The following GIPC2 variants were observed in gnomAD, a reference collection of about 807,000 sequenced individuals.
The protein encoded by GIPC2 is GIPC PDZ domain containing family member 2.
In GIPC2, 30 loss-of-function variants were observed where a neutral mutation model predicts 30.6. That is an observed-to-expected ratio of 0.98 (90% CI 0.73 to 1.33). The LOEUF is 1.33. GIPC2 is among the 40% of genes most tolerant of loss of function. GIPC2 has a pLI of 0.00. For missense variants in GIPC2, 414 were observed against 390.3 expected (o/e 1.06, Z -0.51); for synonymous variants, 167 against 150.0 (o/e 1.11, Z -0.83).
intron 2 of GIPC2, among the ~76,000 whole-genome samples, chr1:78,085,299 T>G (rs1661906510): frequency 6.6e-6 from 1 of 152,184 alleles, no homozygotes; most frequent in African/African-American, 2.4e-5. Flanking sequence ...CATGCTGGAT[T>G]AGGTTTTTGA....
rs771890578 is a variant in GIPC2 at position 78,046,144 on chromosome 1, CCGGGCTGGTGGAGGGCGAGCCGA to C, written c.56_78del (p.Leu19ArgfsTer26). On this transcript the variant is annotated frameshift_variant, in exon 1 of 6. Transcript: ENST00000370759. LOFTEE classifies it high-confidence loss of function. ...AAGAAGGCCAAGTCCAAGGAGACCGCCGGGCTGGTGGAGGGCGAGCCGACGGGCGCGGGCGGCGGGAGCCTCTC... is the reference window on the plus strand; with the variant it reads ...AAGAAGGCCAAGTCCAAGGAGACCGCCGGGCGCGGGCGGCGGGAGCCTCTC... 1.2e-5 allele frequency: 19 copies of C among 1,536,620 alleles called. No individual in the cohort carries two copies. Among genetic ancestry groups the C allele is most frequent in the Middle Eastern group, 1.9e-4 (1 of 5,256 alleles).
intron 1 of GIPC2, among the ~76,000 whole-genome samples, chr1:78,048,305 A>G (rs1465664864): frequency 1.3e-5 from 2 of 152,236 alleles, no homozygotes; most frequent in Non-Finnish European, 2.9e-5. Flanking sequence ...TATTATTAAT[A>G]TCCCCACTTC....
At chr1:78,103,631 C>T (rs575896779) in intron 3 of GIPC2, among the ~76,000 whole-genome samples, 15 of 152,098 alleles carry the variant, frequency 9.9e-5, no homozygotes, top group Non-Finnish European at 1.9e-4. Context: ...TGTTTGCTCT[C>T]GAGGCTTGTG....
chr1:78,108,914 C>T (rs80015359), intron 3 of GIPC2, among the ~76,000 whole-genome samples: 2,933 of 152,252 alleles, frequency 0.019, 51 homozygotes, highest in South Asian at 0.079. Context: ...ACTAAACTGG[C>T]TTAAGCAGAA....
At chr1:78,114,141 G>A (rs528184422) in intron 3 of GIPC2, among the ~76,000 whole-genome samples, 7 of 152,292 alleles carry the variant, frequency 4.6e-5, no homozygotes, top group South Asian at 2.1e-4. Context: ...TATGACAGGC[G>A]GACGGCCAGT....
intron 1 of GIPC2, among the ~76,000 whole-genome samples, chr1:78,078,208 A>G (rs955557795): frequency 8.6e-5 from 13 of 151,264 alleles, no homozygotes; most frequent in African/African-American, 3.2e-4. Context: ...AAAAAAAAAA[A>G]AACCTAGTGT....
At chr1:78,046,429 C>T (rs894754828) in intron 1 of GIPC2, 95 bp downstream of exon 1, 49 of 1,195,090 alleles carry the variant, frequency 4.1e-5, no homozygotes, top group South Asian at 5.4e-5. Flanking sequence ...AGCGGCGTTT[C>T]CCGGAGCGCG....
At chr1:78,101,623 T>C (rs977758290) in intron 3 of GIPC2, among the ~76,000 whole-genome samples, 1 of 152,214 alleles carries the variant, frequency 6.6e-6, no homozygotes, top group African/African-American at 2.4e-5. Context: ...TGGGAAATCT[T>C]TCCCATACTT....
chr1:78,103,976 G>C (rs1010011911), intron 3 of GIPC2, among the ~76,000 whole-genome samples: 1 of 152,178 alleles, frequency 6.6e-6, no homozygotes, highest in Non-Finnish European at 1.5e-5. Flanking sequence ...CAGGTGAAAG[G>C]CCCTTGTACA....
At chr1:78,135,502 C>T (rs1422512558) in intron 5 of GIPC2, 90 bp from the exon 6 acceptor site, 1 of 731,298 alleles carries the variant, frequency 1.4e-6, no homozygotes, top group African/African-American at 1.8e-5. Context: ...ATGCATGTTA[C>T]TTTTAGCAAG....
chr1:78,059,708 C>T (rs1661357436), intron 1 of GIPC2, among the ~76,000 whole-genome samples: 1 of 151,964 alleles, frequency 6.6e-6, no homozygotes, highest in Non-Finnish European at 1.5e-5. Flanking sequence ...GAGGTTGAGG[C>T]TGCAGTGAGC....
chr1:78,095,319 G>A (rs1206856816), intron 3 of GIPC2, among the ~76,000 whole-genome samples, 187 bp downstream of exon 3: 1 of 152,130 alleles, frequency 6.6e-6, no homozygotes, highest in Admixed American at 6.5e-5. Flanking sequence ...GAAGAAAAAA[G>A]AGAAAATTAT....
intron 1 of GIPC2, among the ~76,000 whole-genome samples, chr1:78,079,979 A>G (rs987737440): frequency 3.3e-5 from 5 of 151,928 alleles, no homozygotes; most frequent in Admixed American, 2.6e-4. Context: ...AAATCTCCAG[A>G]CCCCAATTCC....
intron 2 of GIPC2, among the ~76,000 whole-genome samples, chr1:78,086,540 A>G (rs1277794135): frequency 1.3e-5 from 2 of 152,072 alleles, no homozygotes; most frequent in South Asian, 2.1e-4. Flanking sequence ...GTCTCCCACT[A>G]TTGTTCTGTG....
At chr1:78,095,634 A>G (rs1052648757) in intron 3 of GIPC2, among the ~76,000 whole-genome samples, 11 of 152,176 alleles carry the variant, frequency 7.2e-5, no homozygotes, top group African/African-American at 2.4e-4. Context: ...GGATGGTATG[A>G]AATTATTTCC....
Position 78,100,556 on chromosome 1 carries a change from G to A in GIPC2, c.607+5424G>A, listed in dbSNP as rs1032985204. ...AGCTGGCAAAGAAATAGATATGGGC[G>A]AGGAGATAGGATAGGAAAGAAATTA... On this transcript the variant is annotated intron_variant, in intron 3 of 5. Transcript: ENST00000370759. Among the ~76,000 whole-genome samples, 9 of 152,226 alleles carry A rather than the reference G, an allele frequency of 5.9e-5. No individual in the cohort carries two copies. In the South Asian group the frequency reaches 1.7e-3, roughly 28 times the overall value.
chr1:78,103,900 C>T (rs934814692), intron 3 of GIPC2, among the ~76,000 whole-genome samples: 11 of 151,988 alleles, frequency 7.2e-5, no homozygotes, highest in South Asian at 6.2e-4. Context: ...TCATGAAAGG[C>T]GACAGGACAT....
intron 3 of GIPC2, among the ~76,000 whole-genome samples, chr1:78,100,518 T>C (rs1662222373): frequency 1.3e-5 from 2 of 152,058 alleles, no homozygotes; most frequent in African/African-American, 4.8e-5. Context: ...CTGTCATTCT[T>C]TGAGATGAGG....
chr1:78,119,469 A>G lies in GIPC2; in HGVS notation c.684A>G (p.Arg228=), dbSNP rs769821365. The G allele has an allele frequency of 8.7e-6, 14 of 1,611,680 alleles. No individual in the cohort carries two copies. In the Admixed American group the frequency reaches 2.3e-4, roughly 27 times the overall value. Reference sequence around the variant, plus strand: ...GTGGAAGGGCAACACTTCGCCTGAGATCAAAAGGTCCTGCCACCGTGGAAG... The same window carrying G: ...GTGGAAGGGCAACACTTCGCCTGAGGTCAAAAGGTCCTGCCACCGTGGAAG... ...IGCGRATLRL[R]SKGPATVEEM... Residue 228 remains arginine (R), a synonymous_variant, in exon 4 of 6, where the codon AGA becomes AGG. Coordinates refer to ENST00000370759, the MANE Select transcript of GIPC2 (RefSeq NM_017655.6).
Sources: allele counts gnomAD v4.1 joint callset (sites outside exome capture counted in the v4.1 genomes callset), GRCh38; gene constraint gnomAD v4.1.1; transcripts MANE v1.5; gene names NCBI Gene and HGNC (gene_info 2026-07-23, HGNC 2026-07-21).